VPS54: variants seen among roughly 807,000 people sequenced by gnomAD.
VPS54 encodes vacuolar protein sorting-associated protein 54.
Under a neutral mutation model 121.5 loss-of-function variants are expected in VPS54, and 45 were observed. The ratio of observed to expected loss-of-function variants is 0.37; its 90% CI spans 0.29 to 0.47. The LOEUF is 0.47. Among genes scored for constraint, VPS54 ranks in the 20% least tolerant of loss-of-function variants. The pLI is 0.99. For missense variants in VPS54, 1,090 were observed against 1,131.4 expected (o/e 0.96, Z 0.52); for synonymous variants, 371 against 385.8 (o/e 0.96, Z 0.45).
chr2:64,011,525 C>CA (rs1678431541), intron 1 of VPS54, among the ~76,000 whole-genome samples: 1 of 152,064 alleles, frequency 6.6e-6, no homozygotes, highest in Non-Finnish European at 1.5e-5. Flanking sequence ...GTGATTATAC[C>CA]ACTGCACTCC....
At chr2:63,979,304 A>T (rs1575983688) in intron 3 of VPS54, among the ~76,000 whole-genome samples, 2 of 147,706 alleles carry the variant, frequency 1.4e-5, no homozygotes, top group East Asian at 4.0e-4. Flanking sequence ...CAATGGTGCG[A>T]TCTCGGCTCA....
intron 12 of VPS54, among the ~76,000 whole-genome samples, chr2:63,928,836 C>CA (rs1383479805): frequency 0.21 from 13,293 of 64,164 alleles, 1,680 homozygotes; most frequent in African/African-American, 0.42. Flanking sequence ...AAATGGAAAG[C>CA]AAAAAAAAAA....
intron 20 of VPS54, among the ~76,000 whole-genome samples, chr2:63,906,380 T>C (rs773346798): frequency 7.9e-5 from 12 of 152,172 alleles, no homozygotes; most frequent in South Asian, 2.1e-4. Flanking sequence ...TATATTAGCA[T>C]TGAATAATTG....
intron 1 of VPS54, among the ~76,000 whole-genome samples, chr2:63,992,808 GTTA>G (rs1225849269): frequency 2.0e-5 from 3 of 152,178 alleles, no homozygotes; most frequent in East Asian, 3.8e-4. Flanking sequence ...GCCTCTCATA[GTTA>G]TTGATTTTTT....
In VPS54 at chr2:63,972,155, C is replaced by A; in HGVS notation, c.457+11G>T. 1 of 1,518,034 alleles carries A rather than the reference C, an allele frequency of 6.6e-7. No individual in the cohort carries two copies. The highest frequency in any genetic ancestry group is 9.0e-7 in the Non-Finnish European group (1 of 1,114,372). The allele number at this position is 1,518,034 out of a possible 1,614,324, so 94.0% of individuals were successfully genotyped here. On this transcript the variant is annotated intron_variant, in intron 4 of 22. Transcript: ENST00000272322. Reference sequence around the variant, plus strand: ...TATGCTTTATTATCTATAAATAACACATATTCATACCATGAGTATGTAAAA... The same window carrying A: ...TATGCTTTATTATCTATAAATAACAAATATTCATACCATGAGTATGTAAAA...
chr2:63,974,615 A>G (rs1281077088), intron 3 of VPS54, among the ~76,000 whole-genome samples: 1 of 152,114 alleles, frequency 6.6e-6, no homozygotes, highest in Non-Finnish European at 1.5e-5. Context: ...AATTTCTTTC[A>G]TCAGTCTTGT....
intron 1 of VPS54, among the ~76,000 whole-genome samples, chr2:63,986,863 G>A (rs1048098776): frequency 9.2e-5 from 14 of 152,124 alleles, no homozygotes; most frequent in African/African-American, 2.4e-5. Context: ...CCATTTGCAT[G>A]TTTTCTCTTG....
Position 63,949,048 on chromosome 2 carries a change from C to T in VPS54, c.1126G>A (p.Val376Ile), listed in dbSNP as rs774482259. The change falls in exon 8 of 23, where the codon GTT becomes ATT. Residue 376 changes from valine to isoleucine, a missense_variant. By Grantham distance (29) the Val-to-Ile change is conservative (BLOSUM62 3). Around this residue, in one of 2 missense-constraint regions of VPS54, gnomAD observed 801 missense variants for 757.0 expected, o/e 1.06. Coordinates refer to ENST00000272322, the MANE Select transcript of VPS54 (RefSeq NM_016516.3). ...LNRPLEDDCQ[V>I]LEEERLISLV... ...GTTAAAACACATACCTCTTCTAAAACTTGACAGTCATCTTCCAGTGGTCTA... is the reference window on the plus strand; with the variant it reads ...GTTAAAACACATACCTCTTCTAAAATTTGACAGTCATCTTCCAGTGGTCTA... 2.4e-5 allele frequency: 38 copies of T among 1,611,050 alleles called. No individual in the cohort carries two copies. In the Admixed American group the frequency reaches 6.2e-4, roughly 26 times the overall value.
chr2:63,946,455 CCAA>C (rs1674983400), intron 9 of VPS54, among the ~76,000 whole-genome samples: 1 of 151,880 alleles, frequency 6.6e-6, no homozygotes, highest in African/African-American at 2.4e-5. Context: ...CTATATATTG[CCAA>C]CAATTTTTCA....
At chr2:64,011,429 G>A (rs993143731) in intron 1 of VPS54, among the ~76,000 whole-genome samples, 2 of 152,144 alleles carry the variant, frequency 1.3e-5, no homozygotes, top group Non-Finnish European at 2.9e-5. Flanking sequence ...AGCCGGGCAT[G>A]GTGGTGCACG....
intron 6 of VPS54, among the ~76,000 whole-genome samples, chr2:63,963,603 A>G (rs993760913): frequency 2.0e-5 from 3 of 152,138 alleles, no homozygotes; most frequent in African/African-American, 4.8e-5. Flanking sequence ...AGTATCATTC[A>G]TATCTTCAAT....
intron 22 of VPS54, among the ~76,000 whole-genome samples, chr2:63,894,956 C>T (rs1443481139): frequency 6.6e-6 from 1 of 152,116 alleles, no homozygotes; most frequent in Non-Finnish European, 1.5e-5. Context: ...AAAAGGGAAT[C>T]GGACTGCAGA....
chr2:64,002,158 ACTC>A (rs1246215548), intron 1 of VPS54, among the ~76,000 whole-genome samples: 2 of 151,854 alleles, frequency 1.3e-5, no homozygotes, highest in South Asian at 2.1e-4. Flanking sequence ...CAATTGCTGC[ACTC>A]CTCCTATCCC....
chr2:63,921,986 G>T (rs1177690408), intron 12 of VPS54, among the ~76,000 whole-genome samples: 1 of 152,178 alleles, frequency 6.6e-6, no homozygotes, highest in Non-Finnish European at 1.5e-5. Context: ...GAAGAGGGAA[G>T]GAATGTTATT....
Position 63,984,036 on chromosome 2 carries a change from A to G in VPS54, c.-20-17T>C. ...ACCACTCAACTGAAAATGAGTAAGA[A>G]ATACTAATTAAGACACCGCAAATCA... On this transcript the variant is annotated splice_polypyrimidine_tract_variant and intron_variant, in intron 1 of 22. Coordinates refer to ENST00000272322, the MANE Select transcript of VPS54 (RefSeq NM_016516.3). 4 of 1,571,724 alleles carry G rather than the reference A, an allele frequency of 2.5e-6. No individual in the cohort carries two copies. In the South Asian group the frequency reaches 4.7e-5, roughly 19 times the overall value.
intron 18 of VPS54, 50 bp from the exon 19 acceptor site, chr2:63,912,711 G>A (rs1278372714): frequency 1.3e-6 from 2 of 1,518,270 alleles, no homozygotes; most frequent in Non-Finnish European, 8.8e-7. Context: ...AAAAAAAAAG[G>A]TATTAGTTGA....
At chr2:63,967,632 T>C (rs927896868) in intron 5 of VPS54, among the ~76,000 whole-genome samples, 2 of 147,104 alleles carry the variant, frequency 1.4e-5, no homozygotes. Flanking sequence ...GGTAACAGAA[T>C]TGCTTGAACC....
At chr2:63,936,095 T>C (rs991946807) in intron 11 of VPS54, among the ~76,000 whole-genome samples, 1 of 152,182 alleles carries the variant, frequency 6.6e-6, no homozygotes, top group Non-Finnish European at 1.5e-5. Flanking sequence ...CTTGGACTTT[T>C]CTTTAATTCC....
intron 20 of VPS54, among the ~76,000 whole-genome samples, chr2:63,900,954 G>A (rs555274654): frequency 1.2e-4 from 18 of 152,118 alleles, no homozygotes; most frequent in African/African-American, 1.2e-4. Flanking sequence ...TAGAGACAGG[G>A]TTTCACCATG....
Sources: allele counts gnomAD v4.1 joint callset (sites outside exome capture counted in the v4.1 genomes callset), GRCh38; gene constraint gnomAD v4.1.1; regional missense constraint gnomAD v4.1.1; transcripts MANE v1.5; gene names NCBI Gene and HGNC (gene_info 2026-07-23, HGNC 2026-07-21).